CELF2: variants seen among roughly 807,000 people sequenced by gnomAD.
CELF2 encodes CUGBP Elav-like family member 2.
A neutral mutation model predicts 62.6 loss-of-function variants in CELF2; 8 were observed. The ratio of observed to expected loss-of-function variants is 0.13; its 90% CI spans 0.07 to 0.23. The LOEUF (loss-of-function observed/expected upper bound fraction) is 0.23, where lower values mean the gene tolerates loss of function less well. Among genes scored for constraint, CELF2 ranks in the 10% least tolerant of loss-of-function variants. The pLI is 1.00. For synonymous variants in CELF2, 258 were observed against 250.0 expected, an observed-to-expected ratio of 1.03 and a Z score of -0.30; for missense variants, 333 against 671.0, an observed-to-expected ratio of 0.50 and a Z score of 5.56.
At chr10:10,632,894 GAT>G in the CELF2 span, among the ~76,000 whole-genome samples, 11 of 152,258 alleles carry the variant, frequency 7.2e-5, no homozygotes, top group South Asian at 1.9e-3. Flanking sequence ...ATTTGCATAA[GAT>G]GCCAACTGTT....
chr10:10,559,971 T>G, the CELF2 span, among the ~76,000 whole-genome samples: 4 of 152,204 alleles, frequency 2.6e-5, no homozygotes. Context: ...ACTTCTGTAG[T>G]GTATATGGCA....
chr10:11,294,413 G>A (rs1015971052), intron 9 of CELF2, among the ~76,000 whole-genome samples: 13 of 152,180 alleles, frequency 8.5e-5, no homozygotes, highest in African/African-American at 2.7e-4. Flanking sequence ...CATTTTATAA[G>A]TGCAGGGGAC....
Position 11,321,306 on chromosome 10 carries a change from A to G in CELF2, c.1214A>G (p.Gln405Arg). ...ACCCAGGCCTACTCAGGAATTCAAC[A>G]GTACGCAGCCGCCGCGCTGCCCACT... Reference protein sequence around the residue: ...ALTQAYSGIQQYAAAALPTLY... With the variant: ...ALTQAYSGIQRYAAAALPTLY... Residue 405 changes from glutamine to arginine, a missense_variant, in exon 11 of 13, where the codon CAG (glutamine) becomes CGG (arginine). Physicochemically the swap from Gln to Arg is conservative, Grantham distance 43. Around this residue, in one of 3 missense-constraint regions of CELF2, gnomAD observed 253 missense variants for 503.0 expected, o/e 0.50. Transcript: ENST00000633077. This position sits in a 1 kb window ranked among gnomAD's most constrained non-coding sequence, Gnocchi z 6.2. 1 of 1,613,754 alleles carries G rather than the reference A, an allele frequency of 6.2e-7. No homozygotes were observed. The highest frequency in any genetic ancestry group is 8.5e-7 in the Non-Finnish European group (1 of 1,180,024).
chr10:11,229,629 C>T (rs189798521), intron 3 of CELF2, among the ~76,000 whole-genome samples: 1 of 150,246 alleles, frequency 6.7e-6, no homozygotes, highest in African/African-American at 2.5e-5. Flanking sequence ...CAGTCTCGCT[C>T]TGTTGGCTGG....
the CELF2 span, among the ~76,000 whole-genome samples, chr10:10,483,950 ATC>A: frequency 7.8e-5 from 7 of 89,204 alleles, no homozygotes; most frequent in Admixed American, 2.4e-4. Flanking sequence ...TCTCTCTCTC[ATC>A]TCTCTCTCTC....
the CELF2 span, among the ~76,000 whole-genome samples, chr10:10,603,444 C>T: frequency 6.6e-6 from 1 of 152,152 alleles, no homozygotes. Flanking sequence ...GAGATGAAGG[C>T]TCAAATTGCT....
At chr10:10,641,467 T>A in the CELF2 span, among the ~76,000 whole-genome samples, 61 of 152,180 alleles carry the variant, frequency 4.0e-4, no homozygotes, top group South Asian at 1.7e-3. Context: ...TGAGACAAAG[T>A]TTTGTTCTTC....
At chr10:11,279,695 C>G (rs2139131931) in intron 8 of CELF2, among the ~76,000 whole-genome samples, 1 of 152,280 alleles carries the variant, frequency 6.6e-6, no homozygotes, top group South Asian at 2.1e-4. Context: ...ACAAAATTAC[C>G]TAAGGTGAAC....
rs145225349 is a variant in CELF2, at chr10:11,302,826, T to A, written c.977-11313T>A. 9.7e-4 allele frequency among the ~76,000 whole-genome samples: 147 copies of A among 152,304 alleles called. No homozygotes were observed. The highest frequency in any genetic ancestry group is 2.3e-3 in the Admixed American group (35 of 15,292). On this transcript the variant is annotated intron_variant, in intron 9 of 12. Coordinates refer to ENST00000633077, the MANE Select transcript of CELF2 (RefSeq NM_001326342.2). This position sits in a 1 kb window ranked among gnomAD's most constrained non-coding sequence, Gnocchi z 5.0. ...CATTGTTCCGCTGTGCTGCGGACAG[T>A]GGAAGTTGGAGCCTTCACCAGAGTT... is the stretch of plus-strand genomic sequence containing the variant.
the CELF2 span, among the ~76,000 whole-genome samples, chr10:10,712,263 T>C: frequency 6.7e-6 from 1 of 149,154 alleles, no homozygotes; most frequent in African/African-American, 2.5e-5. Context: ...CGTCCATCCA[T>C]CAGAGAAGCT....
chr10:10,736,734 G>A, the CELF2 span, among the ~76,000 whole-genome samples: 7 of 151,956 alleles, frequency 4.6e-5, no homozygotes, highest in Non-Finnish European at 1.0e-4. Context: ...AAAGTGTGTT[G>A]ATCATCAATT....
At chr10:10,680,266 CAAGT>C in the CELF2 span, among the ~76,000 whole-genome samples, 74 of 152,148 alleles carry the variant, frequency 4.9e-4, no homozygotes, top group Admixed American at 1.2e-3. Context: ...ACACCAGTTG[CAAGT>C]TTAGGGATCC....
intron 3 of CELF2, among the ~76,000 whole-genome samples, chr10:11,222,006 T>A (rs1589305057): frequency 6.6e-6 from 1 of 152,184 alleles, no homozygotes; most frequent in East Asian, 1.9e-4. Flanking sequence ...ACAAGTGTGT[T>A]CACCCAGGTG....
chr10:10,745,133 C>A, the CELF2 span, among the ~76,000 whole-genome samples: 31,919 of 76,416 alleles, frequency 0.42, 3,964 homozygotes, highest in African/African-American at 0.49. Context: ...AAAAACAAAA[C>A]AAAAAAAAAC....
At chr10:11,284,093 G>T (rs1218174628) in intron 8 of CELF2, among the ~76,000 whole-genome samples, 1 of 146,918 alleles carries the variant, frequency 6.8e-6, no homozygotes, top group South Asian at 2.2e-4. Context: ...TGGAGGAGTG[G>T]GTGGATGATG....
the CELF2 span, among the ~76,000 whole-genome samples, chr10:10,498,439 CAGCAATTTG>C: frequency 1.1e-4 from 17 of 152,332 alleles, no homozygotes; most frequent in Middle Eastern, 3.4e-3. Flanking sequence ...GATTAAGAGA[CAGCAATTTG>C]AGCTTGGCTC....
chr10:10,891,754 C>A (rs979549003), intron 1 of CELF2, among the ~76,000 whole-genome samples: 2 of 152,204 alleles, frequency 1.3e-5, no homozygotes, highest in Non-Finnish European at 2.9e-5. Flanking sequence ...AAGGTCAGAT[C>A]ACCTCTGGCT....
the CELF2 span, among the ~76,000 whole-genome samples, chr10:10,668,417 A>G: frequency 1.3e-5 from 2 of 152,196 alleles, no homozygotes; most frequent in Non-Finnish European, 2.9e-5. Context: ...TCATGGACCC[A>G]GTTAGCTTAT....
At chr10:10,575,113 G>C in the CELF2 span, among the ~76,000 whole-genome samples, 1 of 152,014 alleles carries the variant, frequency 6.6e-6, no homozygotes, top group Non-Finnish European at 1.5e-5. Context: ...AAATAACCCA[G>C]CCTTCACAAT....
Sources: gnomAD v4.1 joint callset for allele counts (sites outside exome capture counted in the v4.1 genomes callset) on GRCh38, gnomAD v4.1.1 for gene constraint, gnomAD v4.1.1 regional missense constraint, Gnocchi (gnomAD v3.1) non-coding constraint, MANE v1.5 for transcripts, NCBI Gene and HGNC (gene_info 2026-07-23, HGNC 2026-07-21) for gene names.